PKP2: variants seen among roughly 807,000 people sequenced by gnomAD.
The protein encoded by PKP2 is plakophilin-2.
PKP2 carries 73 observed loss-of-function variants against 83.4 expected under a neutral mutation model. That is an observed-to-expected ratio of 0.88 (90% CI 0.72 to 1.06). The LOEUF (loss-of-function observed/expected upper bound fraction) is 1.06. Among genes scored for constraint, PKP2 ranks in the 50% least tolerant of loss-of-function variants. The pLI, the probability that PKP2 is intolerant of heterozygous loss-of-function variation, is 0.00. For missense variants in PKP2, 966 were observed against 1,065.4 expected (o/e 0.91, Z 1.30); for synonymous variants, 409 against 430.4 (o/e 0.95, Z 0.62).
At chr12:32,877,581 C>CG (rs1370443593) in intron 3 of PKP2, among the ~76,000 whole-genome samples, 1 of 152,320 alleles carries the variant, frequency 6.6e-6, no homozygotes, top group East Asian at 1.9e-4. Context: ...GGTAGGGTCC[C>CG]TTCAGCCAGC....
rs183377806 is a variant in PKP2 at position 32,817,722 on chromosome 12, T to C, written c.2013+3634A>G. On this transcript the variant is annotated intron_variant, in intron 9 of 12. Coordinates refer to ENST00000340811, the MANE Select transcript of PKP2 (RefSeq NM_001005242.3). ...CTTCCATGTAATTGTTTAGCATCTT[T>C]ATTGTTTTACCTTTCATATTTAGGT... is the stretch of plus-strand genomic sequence containing the variant. Among the ~76,000 whole-genome samples, 3 of 152,372 alleles carry C rather than the reference T, an allele frequency of 2.0e-5. No homozygotes were observed. In the East Asian group the frequency reaches 5.8e-4, roughly 29 times the overall value.
At chr12:32,852,679 C>T (rs1956710780) in intron 4 of PKP2, among the ~76,000 whole-genome samples, 1 of 152,158 alleles carries the variant, frequency 6.6e-6, no homozygotes, top group Non-Finnish European at 1.5e-5. Flanking sequence ...GTAAATACTT[C>T]CACTTGCTGG....
intron 4 of PKP2, among the ~76,000 whole-genome samples, chr12:32,856,583 TCA>T (rs1222623368): frequency 3.3e-5 from 5 of 151,722 alleles, no homozygotes; most frequent in Admixed American, 6.6e-5. Flanking sequence ...ACGGGGAACA[TCA>T]CACACTGGGG....
At chr12:32,831,140 A>G (rs1956497369) in intron 6 of PKP2, among the ~76,000 whole-genome samples, 2 of 152,212 alleles carry the variant, frequency 1.3e-5, no homozygotes, top group African/African-American at 2.4e-5. Context: ...TTGAATAAGC[A>G]TTCTTGACAT....
chr12:32,892,567 C>T (rs912815769), intron 1 of PKP2, among the ~76,000 whole-genome samples: 2 of 152,048 alleles, frequency 1.3e-5, no homozygotes, highest in East Asian at 1.9e-4. Flanking sequence ...CCACCCGTCT[C>T]GGCCTCCTAA....
chr12:32,859,254 A>G (rs1956778897), intron 4 of PKP2, among the ~76,000 whole-genome samples: 1 of 152,220 alleles, frequency 6.6e-6, no homozygotes. Flanking sequence ...GAGCTCTGTA[A>G]TTAGTGATGG....
intron 1 of PKP2, among the ~76,000 whole-genome samples, chr12:32,879,695 T>C (rs1956968056): frequency 6.6e-6 from 1 of 151,868 alleles, no homozygotes; most frequent in Admixed American, 6.6e-5. Context: ...CTGTGCGTGG[T>C]GGCAGGCACC....
chr12:32,796,507 C>T (rs1956126270), intron 10 of PKP2, among the ~76,000 whole-genome samples: 2 of 152,206 alleles, frequency 1.3e-5, no homozygotes, highest in South Asian at 2.1e-4. Context: ...CTCAGCCTCC[C>T]GAGTAGTTGG....
Position 32,850,973 on chromosome 12 carries a change from C to T in PKP2, c.1171G>A (p.Val391Ile), listed in dbSNP as rs1465602175. ...CFQKSEARKRVNQLRGILKLL... is the reference protein window; with the variant it reads ...CFQKSEARKRINQLRGILKLL... ...TTGAGGATGCCACGAAGCTGGTTAA[C>T]CTGGGGAAGAAGCAGATGCATATTT... The change falls in exon 5 of 13, where the codon GTT becomes ATT. Residue 391 changes from valine (V) to isoleucine (I), a missense_variant and splice_region_variant. Transcript: ENST00000340811. The T allele has an allele frequency of 6.2e-7, 1 of 1,613,324 alleles. No homozygotes were observed. The highest frequency in any genetic ancestry group is 8.5e-7 in the Non-Finnish European group (1 of 1,179,618).
Position 32,865,681 on chromosome 12 carries a change from C to CA in PKP2, c.1170+3245dup, listed in dbSNP as rs765071380. On this transcript the variant is annotated intron_variant, in intron 4 of 12. Coordinates refer to ENST00000340811, the MANE Select transcript of PKP2 (RefSeq NM_001005242.3). ...TGTCTGGAACAGAGTGACTCCGTCT[C>CA]AAAAAAAAAAAGACAAATAGATCAA... Among the ~76,000 whole-genome samples the CA allele has an allele frequency of 7.2e-4, 75 of 103,618 alleles. 2 individuals are homozygous for CA. Among genetic ancestry groups the CA allele is most frequent in the Admixed American group, 9.3e-4 (10 of 10,772 alleles). The allele number at this position is 103,618 out of a possible 152,430, so 68.0% of individuals were successfully genotyped here.
Position 32,841,023 on chromosome 12 carries a change from A to G in PKP2, c.1556+5T>C, listed in dbSNP as rs2137829769. 6.2e-7 allele frequency: 1 copy of G among 1,611,274 alleles called. No homozygotes were observed. The highest frequency in any genetic ancestry group is 8.5e-7 in the Non-Finnish European group (1 of 1,178,486). On this transcript the variant is annotated splice_donor_5th_base_variant and intron_variant, in intron 6 of 12. Transcript: ENST00000340811. Reference sequence around the variant, plus strand: ...TCTATCAGGGCAGGGTACAGGTAGCATTACCTTAGGCATCCAGTGACGTTG... The same window carrying G: ...TCTATCAGGGCAGGGTACAGGTAGCGTTACCTTAGGCATCCAGTGACGTTG...
chr12:32,888,491 T>C (rs937370038), intron 1 of PKP2, among the ~76,000 whole-genome samples: 23 of 152,006 alleles, frequency 1.5e-4, no homozygotes, highest in Non-Finnish European at 2.9e-4. Flanking sequence ...ACTTTTCTTT[T>C]TCTTTTTTTT....
intron 1 of PKP2, among the ~76,000 whole-genome samples, chr12:32,887,983 C>G (rs965836608): frequency 4.6e-5 from 7 of 151,928 alleles, no homozygotes; most frequent in African/African-American, 1.7e-4. Flanking sequence ...AATTTGAGAC[C>G]AGCCTGGGCA....
At chr12:32,872,917 A>G (rs1022918865) in intron 3 of PKP2, among the ~76,000 whole-genome samples, 1 of 152,192 alleles carries the variant, frequency 6.6e-6, no homozygotes, top group Non-Finnish European at 1.5e-5. Context: ...GTAGAGTTGA[A>G]AGAGATGAAA....
At chr12:32,848,148 C>T (rs904155592) in intron 5 of PKP2, among the ~76,000 whole-genome samples, 3 of 152,154 alleles carry the variant, frequency 2.0e-5, no homozygotes, top group South Asian at 2.1e-4. Flanking sequence ...ACTGGTAGGG[C>T]GCGGTGGCTC....
intron 6 of PKP2, among the ~76,000 whole-genome samples, chr12:32,829,737 T>G (rs1190003849): frequency 6.6e-6 from 1 of 152,104 alleles, no homozygotes; most frequent in East Asian, 1.9e-4. Context: ...CTTGGCTCAC[T>G]GCAACCTCCG....
At chr12:32,807,918 C>A (rs1401743434) in intron 9 of PKP2, among the ~76,000 whole-genome samples, 1 of 152,140 alleles carries the variant, frequency 6.6e-6, no homozygotes, top group Non-Finnish European at 1.5e-5. Flanking sequence ...CATGGGCTTA[C>A]CTTTGTAGGT....
chr12:32,829,200 A>T (rs187844451), intron 6 of PKP2, among the ~76,000 whole-genome samples: 34 of 151,976 alleles, frequency 2.2e-4, no homozygotes, highest in African/African-American at 7.5e-4. Flanking sequence ...TGCTGGGATT[A>T]CAGGTGTAAG....
chr12:32,879,132 A>G (rs1417679299), intron 1 of PKP2, 100 bp from the exon 2 acceptor site: 13 of 736,058 alleles, frequency 1.8e-5, no homozygotes, highest in Non-Finnish European at 2.9e-5. Flanking sequence ...AAATTTAAGT[A>G]ATGAAGGCCA....
Sources: allele counts gnomAD v4.1 joint callset (sites outside exome capture counted in the v4.1 genomes callset), GRCh38; gene constraint gnomAD v4.1.1; transcripts MANE v1.5; gene names NCBI Gene and HGNC (gene_info 2026-07-23, HGNC 2026-07-21).